Variants in AGBL4 observed in about 807,000 individuals in gnomAD.
AGBL4 encodes AGBL carboxypeptidase 4.
Under a neutral mutation model 66.4 loss-of-function variants are expected in AGBL4, and 58 were observed. That is an observed-to-expected ratio of 0.87 (90% CI 0.71 to 1.09). The LOEUF is 1.09. Among genes scored for constraint, AGBL4 ranks in the 50% least tolerant of loss-of-function variants. The probability of loss-of-function intolerance (pLI) is 0.00; values close to 1 mark genes in which losing one functional copy is unlikely to be tolerated. For synonymous variants in AGBL4, 234 were observed against 222.9 expected (o/e 1.05, Z -0.44); for missense variants, 579 against 631.0 (o/e 0.92, Z 0.88).
intron 3 of AGBL4, among the ~76,000 whole-genome samples, chr1:49,482,638 C>T (rs769441487): frequency 1.3e-5 from 2 of 151,198 alleles, no homozygotes; most frequent in African/African-American, 2.4e-5. Context: ...AGTTCAGTTC[C>T]GATTTTGGTT....
At chr1:49,162,787 T>C (rs1646563819) in intron 4 of AGBL4, among the ~76,000 whole-genome samples, 1 of 152,214 alleles carries the variant, frequency 6.6e-6, no homozygotes, top group Admixed American at 6.5e-5. Flanking sequence ...GTGGAAATAA[T>C]AATTAGTCCT....
At chr1:49,380,333 T>C (rs1053836210) in intron 3 of AGBL4, among the ~76,000 whole-genome samples, 1 of 152,030 alleles carries the variant, frequency 6.6e-6, no homozygotes, top group African/African-American at 2.4e-5. Context: ...CACTGCTTAA[T>C]GAAATAAAAG....
chr1:49,221,585 C>T (rs145288268), intron 4 of AGBL4, among the ~76,000 whole-genome samples: 2 of 152,282 alleles, frequency 1.3e-5, no homozygotes, highest in African/African-American at 4.8e-5. Flanking sequence ...CATCGCATTT[C>T]ACCGTTTACA....
At chr1:49,030,053 C>T (rs1257178692) in intron 5 of AGBL4, among the ~76,000 whole-genome samples, 1 of 152,038 alleles carries the variant, frequency 6.6e-6, no homozygotes, top group Non-Finnish European at 1.5e-5. Flanking sequence ...TTATAAAGCT[C>T]TTAGAAGAAA....
At chr1:50,023,184 C>A (rs1662574779) in intron 1 of AGBL4, among the ~76,000 whole-genome samples, 1 of 152,116 alleles carries the variant, frequency 6.6e-6, no homozygotes, top group South Asian at 2.1e-4. Context: ...TTTTAAGGAC[C>A]CATACAAGAA....
At chr1:49,755,271 A>T (rs1301173000) in intron 2 of AGBL4, among the ~76,000 whole-genome samples, 1 of 152,190 alleles carries the variant, frequency 6.6e-6, no homozygotes, top group Non-Finnish European at 1.5e-5. Context: ...ACTCCTAATT[A>T]AGAATATGAT....
chr1:48,532,014 C>T (rs1643909354), downstream of AGBL4, among the ~76,000 whole-genome samples: 1 of 152,148 alleles, frequency 6.6e-6, no homozygotes, highest in Non-Finnish European at 1.5e-5. Flanking sequence ...GAACTCCTGA[C>T]CTCAGGTGAT....
intron 3 of AGBL4, among the ~76,000 whole-genome samples, chr1:49,562,308 T>G (rs1292619255): frequency 1.3e-5 from 2 of 152,176 alleles, no homozygotes; most frequent in African/African-American, 4.8e-5. Flanking sequence ...AGCTCTTTAG[T>G]TTAATTAGAT....
At chr1:48,946,629 G>A (rs1021465391) in intron 5 of AGBL4, among the ~76,000 whole-genome samples, 3 of 152,124 alleles carry the variant, frequency 2.0e-5, no homozygotes, top group Admixed American at 6.5e-5. Flanking sequence ...ACTCTGTGTC[G>A]GGTTCCTTCC....
chr1:49,302,195 T>C (rs1644756950), intron 3 of AGBL4, among the ~76,000 whole-genome samples: 1 of 147,110 alleles, frequency 6.8e-6, no homozygotes, highest in African/African-American at 2.5e-5. Flanking sequence ...ATATTGTCAT[T>C]AAAAAAAAAA....
At chr1:49,082,746 C>T (rs1325388401) in intron 4 of AGBL4, among the ~76,000 whole-genome samples, 1 of 152,136 alleles carries the variant, frequency 6.6e-6, no homozygotes, top group Non-Finnish European at 1.5e-5. Flanking sequence ...CCAAACAGTC[C>T]CCCAAAGTCT....
chr1:49,568,487 T>TCACACACACACACACA lies in AGBL4; in HGVS notation c.282+128810_282+128825dup, dbSNP rs71059555. On this transcript the variant is annotated intron_variant, in intron 3 of 13. Coordinates refer to ENST00000371839, the MANE Select transcript of AGBL4 (RefSeq NM_032785.4). ...AAACACTGCTCAAAGAAATAAGTGATCACACACACACACACACACACACAC... is the reference window on the plus strand; with the variant it reads ...AAACACTGCTCAAAGAAATAAGTGATCACACACACACACACACACACACACACACACACACACACAC... 8.3e-3 allele frequency among the ~76,000 whole-genome samples: 1,095 copies of TCACACACACACACACA among 131,242 alleles called. 13 individuals are homozygous for TCACACACACACACACA. The highest frequency in any genetic ancestry group is 0.032 in the Middle Eastern group (8 of 248). 86.1% of individuals were successfully genotyped at this position (131,242 alleles called of 152,430 possible). A position where few individuals can be genotyped will look rare whatever the true frequency, so the allele number is the denominator to read the frequency against.
intron 2 of AGBL4, among the ~76,000 whole-genome samples, chr1:49,831,843 C>G (rs779323554): frequency 6.6e-6 from 1 of 152,082 alleles, no homozygotes; most frequent in Non-Finnish European, 1.5e-5. Context: ...TTATCAAAGA[C>G]CTTTTCTGCA....
At position 48,966,624 on chromosome 1, in the gene AGBL4, C is replaced by T. The variant is rs147811260; in HGVS notation, c.594+78960G>A. On this transcript the variant is annotated intron_variant, in intron 5 of 13. Coordinates refer to ENST00000371839, the MANE Select transcript of AGBL4 (RefSeq NM_032785.4). ...AGAAAATGATGAAAAAACTCTAATG[C>T]CTATGGTACAATTCATCATGGGGAA... 4.5e-4 allele frequency among the ~76,000 whole-genome samples: 68 copies of T among 152,156 alleles called. 1 individual carries two copies. In the South Asian group the frequency reaches 9.5e-3, roughly 21 times the overall value.
chr1:49,580,053 ATTATATAATAACC>A (rs1467936665), intron 3 of AGBL4, among the ~76,000 whole-genome samples: 1 of 152,102 alleles, frequency 6.6e-6, no homozygotes, highest in East Asian at 1.9e-4. Flanking sequence ...TCCCTGTGTG[ATTATATAATAACC>A]TTCTTTGTCT....
intron 4 of AGBL4, among the ~76,000 whole-genome samples, chr1:49,166,480 T>A (rs1646637533): frequency 6.6e-6 from 1 of 152,140 alleles, no homozygotes. Flanking sequence ...TAATACTAAT[T>A]TGTAACCGAG....
At chr1:48,624,889 G>GGTGTGTGT (rs56678913) in intron 9 of AGBL4, among the ~76,000 whole-genome samples, 2 of 147,850 alleles carry the variant, frequency 1.4e-5, no homozygotes, top group Middle Eastern at 3.5e-3. Flanking sequence ...GTTAATTCCA[G>GGTGTGTGT]GTGTGTGTGT....
At chr1:48,603,006 T>A (rs989953477) in intron 9 of AGBL4, among the ~76,000 whole-genome samples, 3 of 152,164 alleles carry the variant, frequency 2.0e-5, no homozygotes, top group Admixed American at 2.0e-4. Context: ...CAATTAGTGG[T>A]GGTCAGGAAA....
chr1:49,221,200 T>C (rs1392728490), intron 4 of AGBL4, among the ~76,000 whole-genome samples: 2 of 152,134 alleles, frequency 1.3e-5, no homozygotes, highest in East Asian at 1.9e-4. Context: ...TTGTGAAAGA[T>C]TTTTGTTTCA....
Sources: gnomAD v4.1 joint callset for allele counts (sites outside exome capture counted in the v4.1 genomes callset) on GRCh38, gnomAD v4.1.1 for gene constraint, MANE v1.5 for transcripts, NCBI Gene and HGNC (gene_info 2026-07-23, HGNC 2026-07-21) for gene names.